The following MTTP variants were observed in gnomAD, a reference collection of about 807,000 sequenced individuals.
MTTP encodes microsomal triglyceride transfer protein, also known as microsomal triglyceride transfer protein large subunit.
MTTP carries 49 observed loss-of-function variants against 90.6 expected under a neutral mutation model. That is an observed-to-expected ratio of 0.54 (90% CI 0.43 to 0.69). MTTP has a LOEUF of 0.69. Among genes scored for constraint, MTTP ranks in the 30% least tolerant of loss-of-function variants. The pLI is 0.00. For missense variants in MTTP, 945 were observed against 1,067.5 expected, an observed-to-expected ratio of 0.89 and a Z score of 1.60; for synonymous variants, 347 against 384.2, an observed-to-expected ratio of 0.90 and a Z score of 1.13.
chr4:99,610,179 T>A (rs553065924), intron 12 of MTTP, among the ~76,000 whole-genome samples: 14 of 152,186 alleles, frequency 9.2e-5, no homozygotes, highest in Non-Finnish European at 1.9e-4. Flanking sequence ...GACAGGAAGC[T>A]CACCATCTTT....
intron 1 of MTTP, among the ~76,000 whole-genome samples, chr4:99,568,764 C>T (rs181582944): frequency 3.9e-5 from 6 of 152,146 alleles, no homozygotes; most frequent in Admixed American, 3.9e-4. Flanking sequence ...GTCAAAGGAA[C>T]GGGGCCAACT....
At chr4:99,572,725 A>G (rs1724866265), upstream of MTTP, among the ~76,000 whole-genome samples, 2 of 152,080 alleles carry the variant, frequency 1.3e-5, no homozygotes, top group Admixed American at 1.3e-4. Context: ...ATGTTTGCAC[A>G]GTGTTTGCTG....
At chr4:99,600,447 T>TAA in intron 8 of MTTP, 118 bp from the exon 9 acceptor site, 19 of 987,712 alleles carry the variant, frequency 1.9e-5, no homozygotes, top group Non-Finnish European at 2.3e-5. Flanking sequence ...TTGTTCAAAT[T>TAA]AAAAAAAAAA....
chr4:99,600,561 A>G lies in MTTP; in HGVS notation c.1068-4A>G. On this transcript the variant is annotated splice_region_variant and splice_polypyrimidine_tract_variant and intron_variant, in intron 8 of 17. Coordinates refer to ENST00000265517, the MANE Select transcript of MTTP (RefSeq NM_001386140.1). Reference sequence around the variant, plus strand: ...GATATCCATGATTATGCCTTTTTTTATAGACCTCAGCTGGTGGATGCTGTC... The same window carrying G: ...GATATCCATGATTATGCCTTTTTTTGTAGACCTCAGCTGGTGGATGCTGTC... 2 of 1,613,122 alleles carry G rather than the reference A, an allele frequency of 1.2e-6. No individual in the cohort carries two copies. The highest frequency in any genetic ancestry group is 1.7e-6 in the Non-Finnish European group (2 of 1,179,354).
intron 8 of MTTP, among the ~76,000 whole-genome samples, chr4:99,598,791 A>G (rs2035814): frequency 0.1 from 15,795 of 150,954 alleles, 988 homozygotes; most frequent in Middle Eastern, 0.2. Context: ...AGCCTCCCGA[A>G]TAGCTGGGAT....
At chr4:99,616,084 T>C (rs1173165438) in intron 15 of MTTP, among the ~76,000 whole-genome samples, 2 of 152,094 alleles carry the variant, frequency 1.3e-5, no homozygotes, top group African/African-American at 2.4e-5. Flanking sequence ...GTGATAGCCA[T>C]GAATATTAGT....
At position 99,611,203 on chromosome 4, in the gene MTTP, G is replaced by A. The variant is rs774258996; in HGVS notation, c.1830G>A (p.Arg610=). Residue 610 remains arginine, a synonymous_variant, in exon 13 of 18, where the codon AGG becomes AGA. Transcript: ENST00000265517. The part of the protein sequence containing the change: ...MVAHNYDRFS[R]SGSSSAYTGY... ...CTCACAATTATGACCGTTTCTCCAG[G>A]AGTGGATCTTCTTCTGCCTACACTG... 1 of 1,613,958 alleles carries A rather than the reference G, an allele frequency of 6.2e-7. No homozygotes were observed. Among genetic ancestry groups the A allele is most frequent in the African/African-American group, 1.3e-5 (1 of 74,906 alleles).
rs1725555733 is a variant in MTTP, at chr4:99,596,485, C to A, written c.910-582C>A. ...AATAACTTAGTGTGTGTGAGAATTA[C>A]CTTTATCTAAATGCTACTCTAAAAA... On this transcript the variant is annotated intron_variant, in intron 7 of 17. Transcript: ENST00000265517. 2.0e-5 allele frequency among the ~76,000 whole-genome samples: 3 copies of A among 152,104 alleles called. No individual in the cohort carries two copies. In the South Asian group the frequency reaches 6.2e-4, roughly 32 times the overall value.
rs765712127 is a variant in MTTP, at chr4:99,601,656, T to C, written c.1286T>C (p.Met429Thr). 9.9e-6 allele frequency: 16 copies of C among 1,613,068 alleles called. No homozygotes were observed. The highest frequency in any genetic ancestry group is 5.3e-5 in the African/African-American group (4 of 74,878). The change falls in exon 10 of 18, where the codon ATG (methionine) becomes ACG (threonine). Residue 429 changes from methionine to threonine, a missense_variant. By Grantham distance (81) the Met-to-Thr change is moderately conservative. Transcript: ENST00000265517. ...AGCAGTGACATCAGAGAAACTGTTA[T>C]GATCATCACTGGGACACTTGTCAGA... ...IGSSDIRETVMIITGTLVRKL... is the reference protein window; with the variant it reads ...IGSSDIRETVTIITGTLVRKL...
At position 99,618,991 on chromosome 4, in the gene MTTP, T is replaced by G; in HGVS notation, c.2235T>G (p.Ser745=). 6.2e-7 allele frequency: 1 copy of G among 1,612,854 alleles called. No homozygotes were observed. Among genetic ancestry groups the G allele is most frequent in the South Asian group, 1.1e-5 (1 of 91,060 alleles). ...IDHSQELQLQ[S]GLKANIEVQG... Reference sequence around the variant, plus strand: ...TCTTCTAGGAACTTCAGTTACAATCTGGACTAAAAGCCAATATAGAGGTCC... The same window carrying G: ...TCTTCTAGGAACTTCAGTTACAATCGGGACTAAAAGCCAATATAGAGGTCC... Residue 745 remains serine (S), a synonymous_variant, in exon 16 of 18, where the codon TCT becomes TCG. Coordinates refer to ENST00000265517, the MANE Select transcript of MTTP (RefSeq NM_001386140.1).
intron 6 of MTTP, among the ~76,000 whole-genome samples, chr4:99,593,521 T>C (rs552088156): frequency 2.7e-4 from 41 of 152,314 alleles, no homozygotes; most frequent in African/African-American, 9.6e-4. Context: ...CTGGACAGAA[T>C]TGTTCTAACA....
At chr4:99,587,099 A>G (rs1223308976) in intron 3 of MTTP, among the ~76,000 whole-genome samples, 1 of 152,200 alleles carries the variant, frequency 6.6e-6, no homozygotes, top group African/African-American at 2.4e-5. Context: ...TAATAAATTT[A>G]AGATTATTGC....
At position 99,612,963 on chromosome 4, in the gene MTTP, C is replaced by T. The variant is rs559425917; in HGVS notation, c.2040C>T (p.Asp680=). Residue 680 remains aspartate (D), a synonymous_variant, in exon 15 of 18, where the codon GAC becomes GAT. Coordinates refer to ENST00000265517, the MANE Select transcript of MTTP (RefSeq NM_001386140.1). ...GLEALIAATP[D]EGEENLDSYA... ...AAGCCTTAATCGCAGCCACCCCTGA[C>T]GAGGGGGAGGAGAACCTTGACTCCT... The T allele has an allele frequency of 7.9e-5, 127 of 1,613,990 alleles. No individual in the cohort carries two copies. Among genetic ancestry groups the T allele is most frequent in the Non-Finnish European group, 9.7e-5 (114 of 1,179,938 alleles).
intron 12 of MTTP, 80 bp from the exon 13 acceptor site, chr4:99,611,063 G>A (rs1051448642): frequency 1.3e-6 from 2 of 1,489,894 alleles, no homozygotes; most frequent in African/African-American, 2.8e-5. Flanking sequence ...TTTCCACTGA[G>A]GATTTTTTTT....
At chr4:99,599,791 A>C (rs1259555526) in intron 8 of MTTP, among the ~76,000 whole-genome samples, 1 of 152,182 alleles carries the variant, frequency 6.6e-6, no homozygotes, top group Non-Finnish European at 1.5e-5. Context: ...TTATGATCAA[A>C]ATAGTACAAG....
chr4:99,622,190 A>G (rs1243780797), intron 17 of MTTP, among the ~76,000 whole-genome samples: 2 of 152,160 alleles, frequency 1.3e-5, no homozygotes, highest in African/African-American at 4.8e-5. Flanking sequence ...AAAAACCCCA[A>G]CCTTCTAATG....
Position 99,600,745 on chromosome 4 carries a change from A to G in MTTP, c.1236+12A>G, listed in dbSNP as rs751212710. The G allele has an allele frequency of 3.7e-6, 6 of 1,612,264 alleles. No individual in the cohort carries two copies. The highest frequency in any genetic ancestry group is 5.1e-6 in the Non-Finnish European group (6 of 1,178,612). On this transcript the variant is annotated intron_variant, in intron 9 of 17. Transcript: ENST00000265517. ...TGAGAGCCCTCATTGTAAGTCAAAT[A>G]GAAAATAAAGACCCTCAACTCCTAT...
intron 9 of MTTP, among the ~76,000 whole-genome samples, chr4:99,600,955 T>C (rs1043351176): frequency 2.6e-5 from 4 of 152,168 alleles, no homozygotes; most frequent in South Asian, 2.1e-4. Flanking sequence ...ATAAACTATA[T>C]GGAAATTTAA....
At chr4:99,597,039 G>T (rs760006140) in intron 7 of MTTP, 28 bp from the exon 8 acceptor site, 4 of 1,612,674 alleles carry the variant, frequency 2.5e-6, no homozygotes, top group Middle Eastern at 1.8e-4. Context: ...TATGAGTGGG[G>T]TATGAGCCTG....
Sources: gnomAD v4.1 joint callset for allele counts (sites outside exome capture counted in the v4.1 genomes callset) on GRCh38, gnomAD v4.1.1 for gene constraint, MANE v1.5 for transcripts, NCBI Gene and HGNC (gene_info 2026-07-23, HGNC 2026-07-21) for gene names.